The following PKP4 variants were observed in gnomAD, a reference collection of about 807,000 sequenced individuals.
PKP4 encodes the protein plakophilin 4.
In PKP4, 90 loss-of-function variants were observed where a neutral mutation model predicts 145.1. That is an observed-to-expected ratio of 0.62 (90% confidence interval 0.52 to 0.74). The LOEUF is 0.74. Among genes scored for constraint, PKP4 ranks in the 30% least tolerant of loss-of-function variants. The probability of loss-of-function intolerance (pLI) is 0.00; values close to 1 mark genes in which losing one functional copy is unlikely to be tolerated. For missense variants in PKP4, 1,340 were observed against 1,482.7 expected (o/e 0.90, Z 1.58); for synonymous variants, 563 against 577.2 (o/e 0.98, Z 0.35).
chr2:158,474,639 C>T (rs527471124), intron 1 of PKP4, among the ~76,000 whole-genome samples: 1 of 152,250 alleles, frequency 6.6e-6, no homozygotes, highest in African/African-American at 2.4e-5. Flanking sequence ...TTCACCAGTG[C>T]CCTAAGGAAG....
At chr2:158,671,604 C>T (rs529700709) in intron 17 of PKP4, among the ~76,000 whole-genome samples, 1 of 152,342 alleles carries the variant, frequency 6.6e-6, no homozygotes, top group Non-Finnish European at 1.5e-5. Flanking sequence ...GCTCCACACA[C>T]TTAACTTCTT....
chr2:158,511,823 G>A (rs1183694193), intron 1 of PKP4, among the ~76,000 whole-genome samples: 1 of 151,972 alleles, frequency 6.6e-6, no homozygotes, highest in African/African-American at 2.4e-5. Flanking sequence ...TGAAGTAGAA[G>A]CACATGCAAA....
intron 1 of PKP4, among the ~76,000 whole-genome samples, chr2:158,512,113 A>G (rs1007239143): frequency 1.3e-5 from 2 of 152,202 alleles, no homozygotes; most frequent in South Asian, 2.1e-4. Context: ...CACACAAACT[A>G]TTATTATTTT....
At chr2:158,675,721 G>C (rs895966181) in intron 19 of PKP4, among the ~76,000 whole-genome samples, 4 of 152,200 alleles carry the variant, frequency 2.6e-5, no homozygotes, top group African/African-American at 9.6e-5. Flanking sequence ...AAGTAAGCAA[G>C]GTGAGCAGCA....
At chr2:158,654,875 C>T (rs1376340894) in intron 11 of PKP4, among the ~76,000 whole-genome samples, 1 of 152,094 alleles carries the variant, frequency 6.6e-6, no homozygotes, top group Non-Finnish European at 1.5e-5. Context: ...TTTTTGACCA[C>T]CTACTATGTG....
chr2:158,504,657 T>C (rs1035963155), intron 1 of PKP4, among the ~76,000 whole-genome samples: 3 of 139,910 alleles, frequency 2.1e-5, no homozygotes, highest in Admixed American at 7.6e-5. Flanking sequence ...GCTGGCCTTA[T>C]GATCTTCTAA....
rs376889496 is a variant in PKP4 at position 158,621,086 on chromosome 2, A to G, written c.377A>G (p.Tyr126Cys). 5.4e-4 allele frequency: 870 copies of G among 1,614,096 alleles called. 12 individuals carry two copies. The South Asian group carries it at 8.7e-3, about 16-fold the overall frequency. The change falls in exon 5 of 22, where the codon TAT becomes TGT. Residue 126 changes from tyrosine (Y) to cysteine (C), a missense_variant. By Grantham distance (194) the Tyr-to-Cys change is radical. Transcript: ENST00000389759. Reference protein sequence around the residue: ...IRTEPEQGTLYSPEQTSLHES... With the variant: ...IRTEPEQGTLCSPEQTSLHES... ...ACAGAGCCAGAACAAGGAACCCTCT[A>G]TTCACCAGAACAGACATCTCTCCAT...
chr2:158,640,084 A>G (rs1021885820), intron 9 of PKP4, among the ~76,000 whole-genome samples: 5 of 152,246 alleles, frequency 3.3e-5, no homozygotes, highest in African/African-American at 1.2e-4. Context: ...TCCTGAATAT[A>G]GGATGACTGG....
At chr2:158,639,370 A>G (rs1457724045) in intron 9 of PKP4, among the ~76,000 whole-genome samples, 2 of 152,068 alleles carry the variant, frequency 1.3e-5, no homozygotes, top group African/African-American at 4.8e-5. Context: ...GTGTGTGCAC[A>G]CAGGTGTGGG....
Position 158,676,505 on chromosome 2 carries a change from G to A in PKP4, c.3128-234G>A, listed in dbSNP as rs11902216. On this transcript the variant is annotated intron_variant, in intron 19 of 21. Coordinates refer to ENST00000389759, the MANE Select transcript of PKP4 (RefSeq NM_003628.6). ...AGCTTGCCCTCCAGCTTGAGAGTGA[G>A]CCCCGGTGTTGACTTTGCTGATTTG... is the stretch of plus-strand genomic sequence containing the variant. Among the ~76,000 whole-genome samples the A allele has an allele frequency of 0.033, 5,061 of 152,266 alleles. 231 individuals are homozygous for A. Among genetic ancestry groups the A allele is most frequent in the East Asian group, 0.18 (938 of 5,158 alleles).
intron 3 of PKP4, 21 bp from the exon 4 acceptor site, chr2:158,603,049 T>G: frequency 7.0e-7 from 1 of 1,435,572 alleles, no homozygotes; most frequent in Non-Finnish European, 9.5e-7. Context: ...ATGTTCCATT[T>G]TTTTCTTTCT....
Position 158,669,744 on chromosome 2 carries a change from T to C in PKP4, c.2753T>C (p.Val918Ala). 1.2e-6 allele frequency: 2 copies of C among 1,600,770 alleles called. No individual in the cohort carries two copies. Among genetic ancestry groups the C allele is most frequent in the Non-Finnish European group, 1.7e-6 (2 of 1,171,090 alleles). The change falls in exon 17 of 22, where the codon GTC becomes GCC. Residue 918 changes from valine to alanine, a missense_variant. By Grantham distance (64) the Val-to-Ala change is moderately conservative (BLOSUM62 0). Transcript: ENST00000389759. Reference protein sequence around the residue: ...LIGKYAMRDLVNRLPGGNGPS... With the variant: ...LIGKYAMRDLANRLPGGNGPS... ...GGCAAATACGCCATGCGAGACCTGG[T>C]CAACCGGCTCCCCGGCGGCAATGGC...
intron 20 of PKP4, among the ~76,000 whole-genome samples, chr2:158,678,310 G>C (rs529843665): frequency 6.6e-6 from 1 of 152,212 alleles, no homozygotes; most frequent in African/African-American, 2.4e-5. Context: ...GAACCTTTGC[G>C]CATGGGCTCT....
At chr2:158,673,786 A>G (rs747027526) in intron 18 of PKP4, 25 bp downstream of exon 18, 3 of 1,507,202 alleles carry the variant, frequency 2.0e-6, no homozygotes, top group Non-Finnish European at 2.8e-6. Context: ...TAGCTCTGGC[A>G]TAATTAGCAT....
At chr2:158,486,285 C>G (rs1158401433) in intron 1 of PKP4, among the ~76,000 whole-genome samples, 1 of 152,004 alleles carries the variant, frequency 6.6e-6, no homozygotes, top group Non-Finnish European at 1.5e-5. Context: ...TTGTATCTTG[C>G]AAAGTAGAAT....
intron 2 of PKP4, among the ~76,000 whole-genome samples, chr2:158,550,108 C>A (rs2045463695): frequency 9.0e-6 from 1 of 111,390 alleles, no homozygotes; most frequent in Non-Finnish European, 2.4e-5. Flanking sequence ...ATTTATAGAT[C>A]TCTCAGAATA....
chr2:158,675,295 A>C (rs2057909993), intron 19 of PKP4, among the ~76,000 whole-genome samples: 1 of 151,316 alleles, frequency 6.6e-6, no homozygotes, highest in Non-Finnish European at 1.5e-5. Flanking sequence ...AAATTTTCTT[A>C]AAACATTATG....
chr2:158,612,826 A>G (rs112450510), intron 4 of PKP4, among the ~76,000 whole-genome samples: 4 of 152,264 alleles, frequency 2.6e-5, no homozygotes, highest in African/African-American at 9.6e-5. Context: ...ACCCCGGACC[A>G]TCATGCTAAT....
chr2:158,465,515 A>T (rs1397006673), intron 1 of PKP4, among the ~76,000 whole-genome samples: 3 of 152,144 alleles, frequency 2.0e-5, no homozygotes, highest in South Asian at 4.1e-4. Flanking sequence ...CCATTTTATT[A>T]CATTCTTATT....
Sources: gnomAD v4.1 joint callset for allele counts (sites outside exome capture counted in the v4.1 genomes callset) on GRCh38, gnomAD v4.1.1 for gene constraint, MANE v1.5 for transcripts, NCBI Gene and HGNC (gene_info 2026-07-23, HGNC 2026-07-21) for gene names.